FOXJ3: variants seen among roughly 807,000 people sequenced by gnomAD.
The protein encoded by FOXJ3 is forkhead box protein J3.
A neutral mutation model predicts 76.1 loss-of-function variants in FOXJ3; 22 were observed. That is an observed-to-expected ratio of 0.29 (90% CI 0.21 to 0.41). FOXJ3 has a LOEUF of 0.41. FOXJ3 is among the 10% of genes least tolerant of loss of function. The pLI, the probability that FOXJ3 is intolerant of heterozygous loss-of-function variation, is 1.00. For synonymous variants in FOXJ3, 269 were observed against 261.2 expected (o/e 1.03, Z -0.29); for missense variants, 613 against 762.1 (o/e 0.80, Z 2.30).
intron 4 of FOXJ3, among the ~76,000 whole-genome samples, chr1:42,232,714 A>C (rs543228403): frequency 2.2e-4 from 33 of 152,106 alleles, no homozygotes; most frequent in Admixed American, 2.2e-3. Context: ...AGATGAGTAG[A>C]TTGCAAAAAT....
chr1:42,191,813 C>A lies in FOXJ3; in HGVS notation c.935-94G>T. 1.8e-5 allele frequency: 24 copies of A among 1,336,412 alleles called. 1 individual carries two copies. The South Asian group carries it at 3.0e-4, about 17-fold the overall frequency. 82.8% of individuals were successfully genotyped at this position (1,336,412 alleles called of 1,614,324 possible). On this transcript the variant is annotated intron_variant, in intron 8 of 12. Transcript: ENST00000361346. ...ATTAACATAACAAAAGCATATGATG[C>A]CAGGAAGCAACACTGGTTCAATTTA...
intron 1 of FOXJ3, 77 bp from the exon 2 acceptor site, chr1:42,311,187 A>G: frequency 1.1e-6 from 1 of 922,978 alleles, no homozygotes; most frequent in Non-Finnish European, 1.7e-6. Flanking sequence ...GATTTAATTT[A>G]AAACACTCTG....
intron 2 of FOXJ3, among the ~76,000 whole-genome samples, chr1:42,289,158 C>T (rs1653255302): frequency 6.6e-6 from 1 of 151,624 alleles, no homozygotes; most frequent in South Asian, 2.1e-4. Flanking sequence ...TTGGTCTCTT[C>T]TTATATTTAG....
intron 2 of FOXJ3, among the ~76,000 whole-genome samples, chr1:42,304,269 A>G (rs1239782385): frequency 1.3e-5 from 2 of 152,192 alleles, no homozygotes; most frequent in Non-Finnish European, 2.9e-5. Flanking sequence ...CAAGAAAAGG[A>G]AAGATAGTCC....
intron 4 of FOXJ3, among the ~76,000 whole-genome samples, chr1:42,231,803 TTTTTG>T (rs1490517958): frequency 2.0e-5 from 3 of 151,840 alleles, no homozygotes; most frequent in Admixed American, 1.3e-4. Flanking sequence ...CCCACGCCTG[TTTTTG>T]TTTTGTTTTA....
At chr1:42,252,603 T>G (rs1188278502) in intron 4 of FOXJ3, among the ~76,000 whole-genome samples, 1 of 148,734 alleles carries the variant, frequency 6.7e-6, no homozygotes. Context: ...TTTGAAGGGT[T>G]TTTTTTTTTT....
chr1:42,310,490 C>T (rs1654741003), intron 2 of FOXJ3, among the ~76,000 whole-genome samples: 2 of 150,974 alleles, frequency 1.3e-5, no homozygotes, highest in Non-Finnish European at 2.9e-5. Flanking sequence ...CTCTGTCCCC[C>T]AGGCTGGAGT....
chr1:42,306,298 C>CTTTTTTTTTTTTTTTTTTTTTT (rs9326121), intron 2 of FOXJ3, among the ~76,000 whole-genome samples: 4 of 81,692 alleles, frequency 4.9e-5, no homozygotes, highest in African/African-American at 9.0e-5. Flanking sequence ...GAACTTTTTT[C>CTTTTTTTTTTTTTTTTTTTTTT]TTTTTTTTTT....
intron 6 of FOXJ3, among the ~76,000 whole-genome samples, chr1:42,200,243 A>T (rs1646736453): frequency 6.6e-6 from 1 of 152,134 alleles, no homozygotes; most frequent in Non-Finnish European, 1.5e-5. Context: ...TGTCCCAGGT[A>T]ACCACTTCTA....
At chr1:42,205,409 A>G (rs891925919) in intron 6 of FOXJ3, among the ~76,000 whole-genome samples, 1 of 152,192 alleles carries the variant, frequency 6.6e-6, no homozygotes, top group Non-Finnish European at 1.5e-5. Flanking sequence ...CCAGAATTTG[A>G]CAATCTTTTT....
At chr1:42,303,312 G>A (rs1205262821) in intron 2 of FOXJ3, among the ~76,000 whole-genome samples, 1 of 152,182 alleles carries the variant, frequency 6.6e-6, no homozygotes, top group Admixed American at 6.5e-5. Flanking sequence ...TGACCTCATA[G>A]AATTGTTGGG....
chr1:42,330,275 G>T (rs944566674), intron 1 of FOXJ3, among the ~76,000 whole-genome samples: 1 of 151,904 alleles, frequency 6.6e-6, no homozygotes, highest in Non-Finnish European at 1.5e-5. Flanking sequence ...AATATGAAAT[G>T]ATTTGTCTAA....
rs4019586 is a variant in FOXJ3 at position 42,248,534 on chromosome 1, CAAAAAAA to C, written c.444+16574_444+16580del. On this transcript the variant is annotated intron_variant, in intron 4 of 12. Coordinates refer to ENST00000361346, the MANE Select transcript of FOXJ3 (RefSeq NM_014947.5). ...GGGCGACAGAGCAAGACTGCGTCTC[CAAAAAAA>C]AAAAAAAAAAAGACAACATTTATGG... 1.7e-3 allele frequency among the ~76,000 whole-genome samples: 231 copies of C among 135,938 alleles called. 1 individual carries two copies. The highest frequency in any genetic ancestry group is 2.4e-3 in the Non-Finnish European group (154 of 63,556). 89.2% of individuals were successfully genotyped at this position (135,938 alleles called of 152,430 possible). A position where few individuals can be genotyped will look rare whatever the true frequency, so the allele number is the denominator to read the frequency against.
chr1:42,250,130 C>A (rs562581705), intron 4 of FOXJ3, among the ~76,000 whole-genome samples: 2 of 152,120 alleles, frequency 1.3e-5, no homozygotes, highest in South Asian at 4.1e-4. Context: ...GTAGAAGGCA[C>A]AGAAAAAGTA....
At chr1:42,300,477 T>C (rs1654067976) in intron 2 of FOXJ3, among the ~76,000 whole-genome samples, 1 of 152,098 alleles carries the variant, frequency 6.6e-6, no homozygotes, top group Admixed American at 6.5e-5. Context: ...TGGCAGGATA[T>C]AAAATTCTTG....
chr1:42,304,392 GA>G (rs767519272), intron 2 of FOXJ3, among the ~76,000 whole-genome samples: 5 of 151,180 alleles, frequency 3.3e-5, no homozygotes, highest in Admixed American at 2.0e-4. Context: ...CACAGACATA[GA>G]AAAAAAAATC....
At chr1:42,190,719 T>C (rs1445996788) in intron 9 of FOXJ3, among the ~76,000 whole-genome samples, 4 of 152,152 alleles carry the variant, frequency 2.6e-5, no homozygotes, top group Non-Finnish European at 5.9e-5. Context: ...ACCAGGACAT[T>C]TGCCATGACT....
intron 5 of FOXJ3, among the ~76,000 whole-genome samples, chr1:42,210,739 C>T (rs2124356577): frequency 6.6e-6 from 1 of 152,218 alleles, no homozygotes; most frequent in East Asian, 1.9e-4. Context: ...TACATAACTC[C>T]CTTCCCACCC....
chr1:42,231,807 T>A (rs1648149312), intron 4 of FOXJ3, among the ~76,000 whole-genome samples: 1 of 152,094 alleles, frequency 6.6e-6, no homozygotes, highest in African/African-American at 2.4e-5. Flanking sequence ...CGCCTGTTTT[T>A]GTTTTGTTTT....
Sources: gnomAD v4.1 joint callset for allele counts (sites outside exome capture counted in the v4.1 genomes callset) on GRCh38, gnomAD v4.1.1 for gene constraint, MANE v1.5 for transcripts, NCBI Gene and HGNC (gene_info 2026-07-23, HGNC 2026-07-21) for gene names.